The following LRCH4 variants were observed in gnomAD, a reference collection of about 807,000 sequenced individuals.
LRCH4 encodes the protein leucine rich repeats and calponin homology domain containing 4, also known as leucine-rich repeat and calponin homology domain-containing protein 4.
In LRCH4, 56 loss-of-function variants were observed where a neutral mutation model predicts 81.2. That is an observed-to-expected ratio of 0.69 (90% CI 0.56 to 0.86). The LOEUF (loss-of-function observed/expected upper bound fraction) is 0.86, where lower values mean the gene tolerates loss of function less well. Ranked by LOEUF, LRCH4 falls within the 40% of genes least tolerant of loss-of-function variation. LRCH4 has a pLI of 0.00. For missense variants in LRCH4, 895 were observed against 922.8 expected, an observed-to-expected ratio of 0.97 and a Z score of 0.39; for synonymous variants, 442 against 409.7, an observed-to-expected ratio of 1.08 and a Z score of -0.95.
intron 14 of LRCH4, 75 bp from the exon 15 acceptor site, chr7:100,576,398 GCACCTA>G (rs1455463278): frequency 9.7e-7 from 1 of 1,028,402 alleles, no homozygotes; most frequent in East Asian, 2.5e-5. Flanking sequence ...CAGTGGCCTG[GCACCTA>G]CACCTCCTGC....
In LRCH4 at chr7:100,577,175, G is replaced by T; in HGVS notation, c.1296-21C>A. On this transcript the variant is annotated intron_variant, in intron 11 of 17. Transcript: ENST00000310300. The surrounding 1 kb of genome is among the most constrained non-coding windows in gnomAD (Gnocchi z 6.7). ...AGAGGCTGGAACAAGGAGAGGTGGG[G>T]TCAGCTAGCCCCAAGGCAGAACGGC... 6.2e-7 allele frequency: 1 copy of T among 1,613,592 alleles called. No individual in the cohort carries two copies. The highest frequency in any genetic ancestry group is 8.5e-7 in the Non-Finnish European group (1 of 1,179,990).
chr7:100,580,595 AACAC>A (rs1346770209), intron 4 of LRCH4: 2 of 151,826 alleles, frequency 1.3e-5, no homozygotes, highest in Admixed American at 6.6e-5. Context: ...CACAGACCTA[AACAC>A]ACACAACAGA....
Position 100,574,229 on chromosome 7 carries a change from GC to G in LRCH4, c.*877del, listed in dbSNP as rs1323838016. Reference sequence around the variant, plus strand: ...GCTCCCGGGGTCCCGGGCGGGGTGGGCCCTGTGCCCCCACCTTCACCCCTAA... The same window carrying G: ...GCTCCCGGGGTCCCGGGCGGGGTGGGCCTGTGCCCCCACCTTCACCCCTAA... On this transcript the variant is annotated 3_prime_UTR_variant, in exon 18 of 18. Transcript: ENST00000310300. 1 of 181,512 alleles carries G rather than the reference GC, an allele frequency of 5.5e-6. No homozygotes were observed. Among genetic ancestry groups the G allele is most frequent in the Admixed American group, 6.4e-5 (1 of 15,538 alleles). The allele number at this position is 181,512 out of a possible 1,614,324, so 11.2% of individuals were successfully genotyped here. A position where few individuals can be genotyped will look rare whatever the true frequency, so the allele number is the denominator to read the frequency against.
chr7:100,581,557 G>A (rs1033329947), intron 4 of LRCH4: 61 of 509,924 alleles, frequency 1.2e-4, no homozygotes, highest in African/African-American at 1.0e-3. Context: ...TCCGCCATCG[G>A]AGAGTACCAC....
chr7:100,576,481 C>G (rs1264171281), intron 14 of LRCH4, 158 bp from the exon 15 acceptor site: 11 of 672,728 alleles, frequency 1.6e-5, no homozygotes, highest in Non-Finnish European at 2.8e-5. Flanking sequence ...CCAGGCTGGT[C>G]TTGAATTCCT....
Position 100,577,840 on chromosome 7 carries a change from G to A in LRCH4, c.1021C>T (p.Arg341Cys), listed in dbSNP as rs144231638. ...TACTCACCTGAGCCATCCTCCTTGC[G>A]TTCTCTGGGTCCCCGGGGCTCCCGG... ...LAREPRGPRE[R>C]KEDGSADGDP... Residue 341 changes from arginine to cysteine, a missense_variant, in exon 8 of 18, where the codon CGC (arginine) becomes TGC (cysteine). Arg to Cys is a radical substitution (Grantham distance 180). Around this residue, in one of 3 missense-constraint regions of LRCH4, gnomAD observed 529 missense variants for 504.9 expected, o/e 1.05. Coordinates refer to ENST00000310300, the MANE Select transcript of LRCH4 (RefSeq NM_002319.5). The surrounding 1 kb of genome is among the most constrained non-coding windows in gnomAD (Gnocchi z 6.7). 16 of 1,612,984 alleles carry A rather than the reference G, an allele frequency of 9.9e-6. No individual in the cohort carries two copies. The highest frequency in any genetic ancestry group is 4.0e-5 in the African/African-American group (3 of 74,890).
At chr7:100,580,011 A>G (rs1267438585) in intron 4 of LRCH4, 2 of 152,132 alleles carry the variant, frequency 1.3e-5, no homozygotes, top group East Asian at 3.9e-4. Context: ...GGGAGTAGGG[A>G]GACAGGGAAA....
rs1194427998 is a variant in LRCH4, at chr7:100,582,567, T to C, written c.221-108A>G. On this transcript the variant is annotated intron_variant, in intron 1 of 17. Coordinates refer to ENST00000310300, the MANE Select transcript of LRCH4 (RefSeq NM_002319.5). The surrounding 1 kb of genome is among the most constrained non-coding windows in gnomAD (Gnocchi z 5.0). ...ACTCCCTCACCTCCACACCTAAAGA[T>C]TCAAGGCCATCAATGTGGCCTCCCA... The C allele has an allele frequency of 8.8e-7, 1 of 1,138,528 alleles. No homozygotes were observed. The highest frequency in any genetic ancestry group is 1.5e-5 in the African/African-American group (1 of 64,944). The allele number at this position is 1,138,528 out of a possible 1,614,324, so 70.5% of individuals were successfully genotyped here. A position where few individuals can be genotyped will look rare whatever the true frequency, so the allele number is the denominator to read the frequency against.
At chr7:100,581,231 C>T (rs1348090811) in intron 4 of LRCH4, among the ~76,000 whole-genome samples, 2 of 152,214 alleles carry the variant, frequency 1.3e-5, no homozygotes, top group Admixed American at 1.3e-4. Flanking sequence ...TCATCTGCGC[C>T]CTGCCAGCAT....
chr7:100,581,758 A>C lies in LRCH4; in HGVS notation c.598+19T>G, dbSNP rs1162814851. On this transcript the variant is annotated intron_variant, in intron 4 of 17. Coordinates refer to ENST00000310300, the MANE Select transcript of LRCH4 (RefSeq NM_002319.5). Reference sequence around the variant, plus strand: ...ACGCACATACAAACACCTCCTCTCCAGTTCTTCATTCTTCTCACCTTCGGG... The same window carrying C: ...ACGCACATACAAACACCTCCTCTCCCGTTCTTCATTCTTCTCACCTTCGGG... The C allele has an allele frequency of 6.2e-7, 1 of 1,611,508 alleles. No homozygotes were observed. The highest frequency in any genetic ancestry group is 1.3e-5 in the African/African-American group (1 of 74,968).
intron 4 of LRCH4, chr7:100,579,037 C>T (rs564324518): frequency 1.9e-6 from 1 of 529,922 alleles, no homozygotes; most frequent in South Asian, 2.2e-5. Flanking sequence ...GAAGGCCCAT[C>T]CGGACGTCAG....
Position 100,576,287 on chromosome 7 carries a change from C to G in LRCH4, c.1589G>C (p.Arg530Pro), listed in dbSNP as rs759535697. ...SSPDSVLRPRRYPQVPDEKDL... is the reference protein window; with the variant it reads ...SSPDSVLRPRPYPQVPDEKDL... ...CTTCTCATCTGGAACCTGGGGGTACCGCCGAGGTCTCAGGACAGAGTCTGG... is the reference window on the plus strand; with the variant it reads ...CTTCTCATCTGGAACCTGGGGGTACGGCCGAGGTCTCAGGACAGAGTCTGG... Residue 530 changes from arginine to proline, a missense_variant, in exon 15 of 18, where the codon CGG (arginine) becomes CCG (proline). Coordinates refer to ENST00000310300, the MANE Select transcript of LRCH4 (RefSeq NM_002319.5). 105 of 1,613,970 alleles carry G rather than the reference C, an allele frequency of 6.5e-5. No homozygotes were observed. Among genetic ancestry groups the G allele is most frequent in the Non-Finnish European group, 8.9e-5 (105 of 1,180,014 alleles).
In LRCH4 at chr7:100,577,235, A is replaced by T; in HGVS notation, c.1295+38T>A. The T allele has an allele frequency of 6.2e-7, 1 of 1,606,590 alleles. No homozygotes were observed. Among genetic ancestry groups the T allele is most frequent in the Non-Finnish European group, 8.5e-7 (1 of 1,178,956 alleles). ...CTCGGTGGCCCCATTTCCAGGGCTC[A>T]GTGTCCAGCAACAGCCCCGGGCGGC... is the stretch of plus-strand genomic sequence containing the variant. On this transcript the variant is annotated intron_variant, in intron 11 of 17. Coordinates refer to ENST00000310300, the MANE Select transcript of LRCH4 (RefSeq NM_002319.5). The surrounding 1 kb of genome is among the most constrained non-coding windows in gnomAD (Gnocchi z 6.7).
In LRCH4 at chr7:100,575,248, G is replaced by A. The variant is rs74868617; in HGVS notation, c.1911C>T (p.Thr637=). ...LLQGTARGLR[T]ALEAVKRVGG... Reference sequence around the variant, plus strand: ...CCACCCGCTTCACGGCCTCCAGCGCGGTCCGCAGCCCCCGGGCAGTGCCCT... The same window carrying A: ...CCACCCGCTTCACGGCCTCCAGCGCAGTCCGCAGCCCCCGGGCAGTGCCCT... Residue 637 remains threonine (T), a synonymous_variant, in exon 18 of 18, where the codon ACC becomes ACT. Coordinates refer to ENST00000310300, the MANE Select transcript of LRCH4 (RefSeq NM_002319.5). The surrounding 1 kb of genome is among the most constrained non-coding windows in gnomAD (Gnocchi z 5.3). The A allele has an allele frequency of 5.6e-4, 896 of 1,591,366 alleles. 6 individuals are homozygous for A. In the African/African-American group the frequency reaches 0.011, roughly 19 times the overall value.
In LRCH4 at chr7:100,575,137, A is replaced by T; in HGVS notation, c.2022T>A (p.Tyr674Ter). The T allele has an allele frequency of 6.2e-7, 1 of 1,612,874 alleles. No individual in the cohort carries two copies. Among genetic ancestry groups the T allele is most frequent in the East Asian group, 2.2e-5 (1 of 44,834 alleles). ...AACCCAGGAGCCGAGTGTAGGTGAC[A>T]TAGAGCAGCAGCATGAGGACCACGT... Reference protein sequence around the residue: ...VFYVVLMLLLYVTYTRLLGS With the variant: ...VFYVVLMLLL Residue 674 changes from tyrosine (Y) to a stop codon, truncating the protein, a stop_gained, in exon 18 of 18, where the codon TAT (tyrosine) becomes TAA (stop). Coordinates refer to ENST00000310300, the MANE Select transcript of LRCH4 (RefSeq NM_002319.5). LOFTEE classifies it high-confidence loss of function. The surrounding 1 kb of genome is among the most constrained non-coding windows in gnomAD (Gnocchi z 5.3).
Position 100,578,203 on chromosome 7 carries a change from A to T in LRCH4, c.904T>A (p.Phe302Ile). ...HRYDGGLDSGFHSVDSGSKRW... is the reference protein window; with the variant it reads ...HRYDGGLDSGIHSVDSGSKRW... The stretch of plus-strand genomic sequence containing the variant: ...TTGCTGCCACTATCAACGCTGTGGA[A>T]GCCTGAGTCCAGCCCACCATCGTAC... The change falls in exon 7 of 18, where the codon TTC becomes ATC. Residue 302 changes from phenylalanine to isoleucine, a missense_variant. Transcript: ENST00000310300. This position sits in a 1 kb window ranked among gnomAD's most constrained non-coding sequence, Gnocchi z 5.7. 6.2e-7 allele frequency: 1 copy of T among 1,614,200 alleles called. No homozygotes were observed. Among genetic ancestry groups the T allele is most frequent in the Non-Finnish European group, 8.5e-7 (1 of 1,180,018 alleles).
At chr7:100,581,738 C>T in intron 4 of LRCH4, 39 bp downstream of exon 4, 4 of 1,587,778 alleles carry the variant, frequency 2.5e-6, no homozygotes, top group Non-Finnish European at 3.5e-6. Flanking sequence ...CTGGGACGCA[C>T]ATACAAACAC....
intron 4 of LRCH4, chr7:100,579,696 A>G (rs907974267): frequency 1.3e-5 from 2 of 151,992 alleles, no homozygotes; most frequent in Non-Finnish European, 1.5e-5. Context: ...GGCTTCCACA[A>G]CCTGGCTCCA....
At position 100,582,492 on chromosome 7, in the gene LRCH4, G is replaced by T. The variant is rs1438836426; in HGVS notation, c.221-33C>A. 6.3e-7 allele frequency: 1 copy of T among 1,594,600 alleles called. No individual in the cohort carries two copies. The highest frequency in any genetic ancestry group is 1.7e-5 in the Admixed American group (1 of 59,100). ...AAAGGAGGTGTCGGGGAGAGTTGCG[G>T]AAAGGCCCAGCCCGGACAGGACCTT... On this transcript the variant is annotated intron_variant, in intron 1 of 17. Coordinates refer to ENST00000310300, the MANE Select transcript of LRCH4 (RefSeq NM_002319.5). This position sits in a 1 kb window ranked among gnomAD's most constrained non-coding sequence, Gnocchi z 5.0.
Sources: gnomAD v4.1 joint callset for allele counts (sites outside exome capture counted in the v4.1 genomes callset) on GRCh38, gnomAD v4.1.1 for gene constraint, gnomAD v4.1.1 regional missense constraint, Gnocchi (gnomAD v3.1) non-coding constraint, MANE v1.5 for transcripts, NCBI Gene and HGNC (gene_info 2026-07-23, HGNC 2026-07-21) for gene names.